Variants in DCC observed in about 807,000 individuals in gnomAD.
The protein encoded by DCC is DCC netrin 1 receptor.
In DCC, 58 loss-of-function variants were observed where a neutral mutation model predicts 172.5. That is an observed-to-expected ratio of 0.34 (90% CI 0.27 to 0.42). The LOEUF (loss-of-function observed/expected upper bound fraction) is 0.42, where lower values mean the gene tolerates loss of function less well. Ranked by LOEUF, DCC falls within the 10% of genes least tolerant of loss-of-function variation. DCC has a pLI of 1.00. For missense variants in DCC, 1,740 were observed against 1,791.0 expected, an observed-to-expected ratio of 0.97 and a Z score of 0.51; for synonymous variants, 709 against 644.5, an observed-to-expected ratio of 1.10 and a Z score of -1.52.
At chr18:52,720,662 T>C (rs1189803606) in intron 1 of DCC, among the ~76,000 whole-genome samples, 1 of 152,184 alleles carries the variant, frequency 6.6e-6, no homozygotes, top group Non-Finnish European at 1.5e-5. Context: ...TTTAGGTGAA[T>C]GAAGGGGAGA....
Position 53,157,446 on chromosome 18 carries a change from C to A in DCC, c.1352C>A (p.Pro451Gln), listed in dbSNP as rs1456930613. 6.2e-7 allele frequency: 1 copy of A among 1,614,180 alleles called. No individual in the cohort carries two copies. The highest frequency in any genetic ancestry group is 8.5e-7 in the Non-Finnish European group (1 of 1,180,020). The change falls in exon 8 of 29, where the codon CCA (proline) becomes CAA (glutamine). Residue 451 changes from proline (P) to glutamine (Q), a missense_variant. Physicochemically the swap from Pro to Gln is moderately conservative, Grantham distance 76. Around this residue, in one of 2 missense-constraint regions of DCC, gnomAD observed 1,732 missense variants for 1,767.4 expected, o/e 0.98. Transcript: ENST00000442544. ...SSRFVRLSWR[P>Q]PAEAKGNIQT... is the part of the protein sequence containing the mutation. The stretch of plus-strand genomic sequence containing the variant: ...CGATTTGTCCGTCTCAGCTGGCGCC[C>A]ACCTGCAGAAGCGAAAGGGAACATT...
At chr18:52,552,704 C>CA (rs761494095) in intron 1 of DCC, among the ~76,000 whole-genome samples, 8 of 151,754 alleles carry the variant, frequency 5.3e-5, no homozygotes, top group Non-Finnish European at 7.4e-5. Flanking sequence ...TGGCTTAAGG[C>CA]AAAAAAATTG....
intron 5 of DCC, among the ~76,000 whole-genome samples, chr18:52,989,983 A>G (rs1262713048): frequency 6.6e-6 from 1 of 152,174 alleles, no homozygotes; most frequent in Non-Finnish European, 1.5e-5. Flanking sequence ...TACTGCCTCG[A>G]TTTTGGTTAA....
intron 1 of DCC, among the ~76,000 whole-genome samples, chr18:52,541,879 A>ATATATATATATG (rs2032465089): frequency 2.2e-5 from 3 of 136,246 alleles, no homozygotes; most frequent in Admixed American, 8.0e-5. Context: ...GTGTGTGTAT[A>ATATATATATATG]TATATATATA....
At chr18:52,685,184 T>C (rs773180768) in intron 1 of DCC, among the ~76,000 whole-genome samples, 6 of 152,176 alleles carry the variant, frequency 3.9e-5, no homozygotes, top group Non-Finnish European at 7.4e-5. Flanking sequence ...ATTAAGATAG[T>C]AGCTTATCTT....
intron 7 of DCC, among the ~76,000 whole-genome samples, chr18:53,149,594 A>G (rs919194055): frequency 6.6e-6 from 1 of 152,232 alleles, no homozygotes; most frequent in Non-Finnish European, 1.5e-5. Flanking sequence ...ACTTTCCTAA[A>G]TAAGCAACTT....
chr18:52,746,119 C>T (rs1192782961), intron 1 of DCC, among the ~76,000 whole-genome samples: 1 of 152,146 alleles, frequency 6.6e-6, no homozygotes, highest in Non-Finnish European at 1.5e-5. Flanking sequence ...GATTATATTG[C>T]ATCATCCATA....
chr18:52,912,651 G>A (rs1202665427), intron 3 of DCC, among the ~76,000 whole-genome samples: 1 of 151,960 alleles, frequency 6.6e-6, no homozygotes, highest in African/African-American at 2.4e-5. Flanking sequence ...TTAGAAATAG[G>A]AGTCAGGAGA....
At chr18:52,559,580 T>C (rs2032992229) in intron 1 of DCC, among the ~76,000 whole-genome samples, 1 of 151,960 alleles carries the variant, frequency 6.6e-6, no homozygotes, top group South Asian at 2.1e-4. Context: ...TAATCAAAAA[T>C]GAAAACCAAG....
At chr18:53,332,709 C>A (rs1003477174) in intron 14 of DCC, among the ~76,000 whole-genome samples, 1 of 151,938 alleles carries the variant, frequency 6.6e-6, no homozygotes, top group Non-Finnish European at 1.5e-5. Flanking sequence ...TATAAAGGGG[C>A]AGCCTAAGGA....
intron 20 of DCC, among the ~76,000 whole-genome samples, chr18:53,413,887 G>C (rs545869570): frequency 6.6e-6 from 1 of 152,200 alleles, no homozygotes; most frequent in Admixed American, 6.5e-5. Flanking sequence ...ATTCTTGCTG[G>C]GGACCTGTAG....
chr18:52,966,325 C>A (rs2040929728), intron 5 of DCC, among the ~76,000 whole-genome samples: 1 of 152,148 alleles, frequency 6.6e-6, no homozygotes, highest in African/African-American at 2.4e-5. Flanking sequence ...TTTATAATAT[C>A]CAAGCAAACA....
At chr18:52,724,674 C>A (rs1352465921) in intron 1 of DCC, among the ~76,000 whole-genome samples, 1 of 152,154 alleles carries the variant, frequency 6.6e-6, no homozygotes, top group Non-Finnish European at 1.5e-5. Flanking sequence ...CATTTGTATG[C>A]TTATTAAAAC....
chr18:53,050,162 C>G (rs923553028), intron 5 of DCC, among the ~76,000 whole-genome samples: 1 of 152,112 alleles, frequency 6.6e-6, no homozygotes, highest in African/African-American at 2.4e-5. Flanking sequence ...CTTCTGCCTG[C>G]TTTATCTAGC....
intron 5 of DCC, among the ~76,000 whole-genome samples, chr18:52,934,011 A>G (rs1598945881): frequency 6.6e-6 from 1 of 152,090 alleles, no homozygotes; most frequent in African/African-American, 2.4e-5. Context: ...CCTAGCCTTC[A>G]TGAGAAGCCT....
chr18:53,385,964 T>C (rs1299827175), intron 15 of DCC, 79 bp from the exon 16 acceptor site: 16 of 963,992 alleles, frequency 1.7e-5, no homozygotes, highest in South Asian at 1.0e-4. Flanking sequence ...GAAATTTGTT[T>C]TGAGGAAAAT....
intron 25 of DCC, among the ~76,000 whole-genome samples, chr18:53,479,196 T>A (rs943202312): frequency 6.6e-6 from 1 of 152,240 alleles, no homozygotes; most frequent in African/African-American, 2.4e-5. Context: ...TTAGAAATGA[T>A]CTCATTACCT....
intron 23 of DCC, among the ~76,000 whole-genome samples, chr18:53,456,262 A>G (rs2045481578): frequency 6.6e-6 from 1 of 152,234 alleles, no homozygotes; most frequent in East Asian, 1.9e-4. Context: ...TTAAATAAGT[A>G]AACAAACAAA....
intron 7 of DCC, among the ~76,000 whole-genome samples, chr18:53,140,603 A>G (rs2043815914): frequency 6.6e-6 from 1 of 152,180 alleles, no homozygotes; most frequent in Admixed American, 6.6e-5. Context: ...TTTTCACTGT[A>G]GGTCATTCAA....
Sources: allele counts gnomAD v4.1 joint callset (sites outside exome capture counted in the v4.1 genomes callset), GRCh38; gene constraint gnomAD v4.1.1; regional missense constraint gnomAD v4.1.1; transcripts MANE v1.5; gene names NCBI Gene and HGNC (gene_info 2026-07-23, HGNC 2026-07-21).